Variants in WASHC1 observed in about 807,000 individuals in gnomAD.
WASHC1 encodes WASH complex subunit 1, also known as CXYorf1-like protein on chromosome 9.
Under a neutral mutation model 26.1 loss-of-function variants are expected in WASHC1, and 11 were observed. The observed-to-expected ratio is 0.42, with a 90% CI of 0.27 to 0.70. The LOEUF (loss-of-function observed/expected upper bound fraction) is 0.70. Among genes scored for constraint, WASHC1 ranks in the 30% least tolerant of loss-of-function variants. The probability of loss-of-function intolerance (pLI) is 0.24; values close to 1 mark genes in which losing one functional copy is unlikely to be tolerated. For synonymous variants in WASHC1, 37 were observed against 126.6 expected, an observed-to-expected ratio of 0.29 and a Z score of 4.75; for missense variants, 96 against 304.9, an observed-to-expected ratio of 0.31 and a Z score of 5.10.
chr9:23,947 T>TGGCC (rs1348811914), intron 2 of WASHC1, among the ~76,000 whole-genome samples: 1 of 73,478 alleles, frequency 1.4e-5, no homozygotes, highest in Non-Finnish European at 2.4e-5. Flanking sequence ...CCTCCCTCAA[T>TGGCC]GGCCACTCCG....
rs563083426 is a variant in WASHC1 at position 14,858 on chromosome 9, C to T, written c.1347G>A (p.Pro449=). ...CCTCTGCCTGTGGCTGCTGCGGTGG[C>T]GGCAAAGGAGGGATGGAGTCTGACA... Residue 449 remains proline, a synonymous_variant, in exon 11 of 11, where the codon CCG becomes CCA. Transcript: ENST00000442898. The T allele has an allele frequency of 7.5e-5, 108 of 1,431,644 alleles. 2 individuals carry two copies. The East Asian group carries it at 1.4e-3, about 18-fold the overall frequency. The allele number at this position is 1,431,644 out of a possible 1,614,324, so 88.7% of individuals were successfully genotyped here.
chr9:14,964 G>A, intron 10 of WASHC1, 24 bp from the exon 11 acceptor site: 2 of 1,289,178 alleles, frequency 1.6e-6, no homozygotes, highest in Non-Finnish European at 2.1e-6. Context: ...GCTGAGTGAG[G>A]GTGGTTGGTG....
intron 1 of WASHC1, chr9:27,559 TA>T (rs1817425299): frequency 1.3e-5 from 1 of 77,108 alleles, no homozygotes. Context: ...GATTACATGC[TA>T]AAATAACCAT....
At chr9:21,674 C>G (rs1816941396) in intron 2 of WASHC1, among the ~76,000 whole-genome samples, 2 of 149,306 alleles carry the variant, frequency 1.3e-5, no homozygotes, top group Admixed American at 6.7e-5. Flanking sequence ...TCACTCATCC[C>G]AACTCTTCAC....
chr9:28,665 A>C (rs1817511746), intron 1 of WASHC1: 1 of 115,642 alleles, frequency 8.6e-6, no homozygotes, highest in Non-Finnish European at 1.7e-5. Context: ...TCTTCAATGC[A>C]TTCCACAAAT....
At position 16,080 on chromosome 9, in the gene WASHC1, G is replaced by C. The variant is rs1410393623; in HGVS notation, c.1043-19C>G. Reference sequence around the variant, plus strand: ...CCCTGGACTGGAGCCGGGAGGTGGGGAACAGGGCAAGGAGGAAAGGCTGCT... The same window carrying C: ...CCCTGGACTGGAGCCGGGAGGTGGGCAACAGGGCAAGGAGGAAAGGCTGCT... On this transcript the variant is annotated intron_variant, in intron 8 of 10. Transcript: ENST00000442898. The C allele has an allele frequency of 1.6e-6, 2 of 1,255,788 alleles. No individual in the cohort carries two copies. The highest frequency in any genetic ancestry group is 4.0e-5 in the Admixed American group (2 of 49,512). 77.8% of individuals were successfully genotyped at this position (1,255,788 alleles called of 1,614,324 possible).
At chr9:14,591 G>C (rs1815974787) in exon 11 of WASHC1, 9 of 881,380 alleles carry the variant, frequency 1.0e-5, no homozygotes, top group South Asian at 1.0e-4. Context: ...GCGCAGGCTG[G>C]GTGGAGCCGT....
intron 1 of WASHC1, chr9:28,699 T>TG (rs1491165346): frequency 1.0e-5 from 1 of 97,382 alleles, no homozygotes; most frequent in Non-Finnish European, 2.0e-5. Context: ...TTAATAATGG[T>TG]GGGTTTTTTT....
chr9:15,453 T>G (rs1444418073), intron 9 of WASHC1, among the ~76,000 whole-genome samples: 1 of 5,676 alleles, frequency 1.8e-4, no homozygotes, highest in East Asian at 1.6e-3. Flanking sequence ...AAAGCAGCGC[T>G]GGGTACAAGC....
chr9:22,163 G>A (rs1462705635), intron 2 of WASHC1, among the ~76,000 whole-genome samples: 5 of 143,706 alleles, frequency 3.5e-5, no homozygotes, highest in Non-Finnish European at 6.0e-5. Flanking sequence ...AGAGCTTCAG[G>A]TGGGGCTGCC....
chr9:15,856 A>G, intron 9 of WASHC1, 53 bp downstream of exon 9: 2 of 1,387,228 alleles, frequency 1.4e-6, no homozygotes, highest in Admixed American at 2.0e-5. Context: ...GCTGGAGGGG[A>G]GGAGGCGATC....
At chr9:22,169 CT>C (rs1817028298) in intron 2 of WASHC1, among the ~76,000 whole-genome samples, 1 of 143,922 alleles carries the variant, frequency 6.9e-6, no homozygotes, top group African/African-American at 2.8e-5. Flanking sequence ...TCAGGTGGGG[CT>C]GCCCACAGAG....
exon 8 of WASHC1, chr9:16,746 G>A (rs1321814079): frequency 1.0e-5 from 3 of 293,998 alleles, no homozygotes; most frequent in African/African-American, 1.3e-4. Flanking sequence ...TGCTGCTGTC[G>A]TCCTGCCTGG....
exon 11 of WASHC1, chr9:14,782 G>A (rs540940054): frequency 3.1e-5 from 47 of 1,520,562 alleles, no homozygotes; most frequent in Non-Finnish European, 3.9e-5. Flanking sequence ...GTCTGGGTCT[G>A]GGGGGGAAGG....
At position 14,944 on chromosome 9, in the gene WASHC1, G is replaced by C. The variant is rs762001176; in HGVS notation, c.1265-4C>G. The C allele has an allele frequency of 1.4e-5, 19 of 1,367,710 alleles. No homozygotes were observed. The highest frequency in any genetic ancestry group is 1.9e-5 in the Non-Finnish European group (19 of 1,003,728). The allele number at this position is 1,367,710 out of a possible 1,614,324, so 84.7% of individuals were successfully genotyped here. A position where few individuals can be genotyped will look rare whatever the true frequency, so the allele number is the denominator to read the frequency against. On this transcript the variant is annotated splice_polypyrimidine_tract_variant and splice_region_variant and intron_variant, in intron 10 of 10. Coordinates refer to ENST00000442898, the Ensembl canonical transcript of WASHC1. ...CCAGGTCCTTTCCCAGAGATGCCTG[G>C]AGGGAAAAGGCTGAGTGAGGGTGGT...
intron 1 of WASHC1, chr9:28,484 AG>A (rs1817483848): frequency 8.1e-6 from 1 of 124,190 alleles, no homozygotes; most frequent in African/African-American, 3.4e-5. Flanking sequence ...TTTAGTGGAC[AG>A]ACAGTAACTA....
chr9:17,068 G>C, exon 7 of WASHC1: 2 of 1,475,236 alleles, frequency 1.4e-6, no homozygotes, highest in African/African-American at 1.7e-5. Flanking sequence ...CACTGTACAT[G>C]AGGTCGTTGG....
At chr9:28,702 G>GTT (rs781743870) in intron 1 of WASHC1, 1,745 of 63,206 alleles carry the variant, frequency 0.028, 19 homozygotes, top group African/African-American at 0.033. Flanking sequence ...ATAATGGTGG[G>GTT]TTTTTTTTTT....
At chr9:21,465 T>C (rs199901891) in intron 2 of WASHC1, among the ~76,000 whole-genome samples, 1,234 of 112,932 alleles carry the variant, frequency 0.011, no homozygotes, top group East Asian at 0.024. Flanking sequence ...ACCCCTGTCG[T>C]ATCCTGACTA....
Sources: allele counts gnomAD v4.1 joint callset (sites outside exome capture counted in the v4.1 genomes callset), GRCh38; gene constraint gnomAD v4.1.1; transcripts MANE v1.5; gene names NCBI Gene and HGNC (gene_info 2026-07-23, HGNC 2026-07-21).